CDH12: variants seen among roughly 807,000 people sequenced by gnomAD.
CDH12 encodes the protein cadherin 12.
In CDH12, 41 loss-of-function variants were observed where a neutral mutation model predicts 74.1. The ratio of observed to expected loss-of-function variants is 0.55; its 90% CI spans 0.43 to 0.72. The LOEUF (loss-of-function observed/expected upper bound fraction) is 0.72, where lower values mean the gene tolerates loss of function less well. CDH12 is among the 30% of genes least tolerant of loss of function. CDH12 has a pLI of 0.00. For missense variants in CDH12, 945 were observed against 977.2 expected, an observed-to-expected ratio of 0.97 and a Z score of 0.44; for synonymous variants, 399 against 355.0, an observed-to-expected ratio of 1.12 and a Z score of -1.39.
intron 1 of CDH12, among the ~76,000 whole-genome samples, chr5:22,778,607 A>C (rs1409301872): frequency 1.3e-5 from 2 of 152,316 alleles, no homozygotes; most frequent in East Asian, 3.9e-4. Context: ...CATATTCCTA[A>C]GTGACAGTAT....
intron 2 of CDH12, among the ~76,000 whole-genome samples, chr5:22,486,760 T>G (rs553183506): frequency 6.6e-6 from 1 of 151,120 alleles, no homozygotes; most frequent in Non-Finnish European, 1.5e-5. Context: ...GCCAGTAACT[T>G]GTAATTTTAA....
Position 22,085,244 on chromosome 5 carries a change from C to T in CDH12, c.-186-6382G>A, listed in dbSNP as rs78965033. Among the ~76,000 whole-genome samples the T allele has an allele frequency of 2.8e-3, 429 of 152,074 alleles. 10 individuals are homozygous for T. The East Asian group carries it at 0.059, about 21-fold the overall frequency. ...GTTGTGAAATACTCACTGACAGTAACACTTCCTTGAAGTGTGCCTCCAAAG... is the reference window on the plus strand; with the variant it reads ...GTTGTGAAATACTCACTGACAGTAATACTTCCTTGAAGTGTGCCTCCAAAG... On this transcript the variant is annotated intron_variant, in intron 4 of 14. Transcript: ENST00000382254.
chr5:22,307,078 C>A (rs1242186395), intron 3 of CDH12, among the ~76,000 whole-genome samples: 1 of 152,120 alleles, frequency 6.6e-6, no homozygotes, highest in African/African-American at 2.4e-5. Flanking sequence ...TGATTCAAAA[C>A]AATTTTCTGC....
Position 22,077,425 on chromosome 5 carries a change from A to G in CDH12, c.231+1021T>C, listed in dbSNP as rs114249654. Among the ~76,000 whole-genome samples the G allele has an allele frequency of 5.4e-3, 817 of 152,242 alleles. 7 individuals carry two copies. The highest frequency in any genetic ancestry group is 0.019 in the African/African-American group (777 of 41,550). On this transcript the variant is annotated intron_variant, in intron 5 of 14. Coordinates refer to ENST00000382254, the MANE Select transcript of CDH12 (RefSeq NM_004061.5). ...ATATATCTCTTTAGTTTATGTTTTC[A>G]GAAAGCTCAAGGGATTTGCTGCTCA...
chr5:22,312,043 A>C lies in CDH12; in HGVS notation c.-333+93214T>G, dbSNP rs370254571. 4.6e-5 allele frequency among the ~76,000 whole-genome samples: 7 copies of C among 152,240 alleles called. No homozygotes were observed. In the East Asian group the frequency reaches 1.2e-3, roughly 25 times the overall value. The stretch of plus-strand genomic sequence containing the variant: ...AAAATAATAAATACACATATAATTG[A>C]ATTAGTTATCTTTTGAAATATTTCT... On this transcript the variant is annotated intron_variant, in intron 3 of 14. Transcript: ENST00000382254.
chr5:22,390,048 C>T (rs960995872), intron 3 of CDH12, among the ~76,000 whole-genome samples: 9 of 145,492 alleles, frequency 6.2e-5, no homozygotes, highest in Admixed American at 2.1e-4. Context: ...TGCACGCACA[C>T]GCTAGGTATT....
chr5:22,401,560 T>C (rs544454046), intron 3 of CDH12, among the ~76,000 whole-genome samples: 1 of 152,278 alleles, frequency 6.6e-6, no homozygotes, highest in East Asian at 1.9e-4. Flanking sequence ...AAATTCTAGA[T>C]TCTATTTATT....
intron 2 of CDH12, among the ~76,000 whole-genome samples, chr5:22,435,617 T>C (rs1002550786): frequency 2.0e-4 from 30 of 151,820 alleles, no homozygotes; most frequent in African/African-American, 7.0e-4. Context: ...AAGATGATAA[T>C]AGCCCTTTCC....
intron 1 of CDH12, among the ~76,000 whole-genome samples, chr5:22,752,865 C>T (rs1400667264): frequency 6.6e-6 from 1 of 151,812 alleles, no homozygotes; most frequent in East Asian, 1.9e-4. Flanking sequence ...TGAGCCACCG[C>T]GCCCGGCAGG....
Position 21,958,323 on chromosome 5 carries a change from C to G in CDH12, c.526+16768G>C, listed in dbSNP as rs539343306. On this transcript the variant is annotated intron_variant, in intron 6 of 14. Coordinates refer to ENST00000382254, the MANE Select transcript of CDH12 (RefSeq NM_004061.5). ...TGAAGTTCCCATTTATGAATTTTTG[C>G]TTTTGTTGCAATTGCTTTTGACATC... Among the ~76,000 whole-genome samples, 281 of 152,046 alleles carry G rather than the reference C, an allele frequency of 1.8e-3. 3 individuals are homozygous for G. The highest frequency in any genetic ancestry group is 6.5e-3 in the African/African-American group (270 of 41,462).
rs1221041758 is a variant in CDH12, at chr5:22,244,773, A to AAAGAAAG, written c.-332-32137_-332-32131dup. ...GAAAGAAAGAAAGAAAGAAAGAAAG[A>AAAGAAAG]AAGAAAGAAAGAAAGAAAGAAAGAA... On this transcript the variant is annotated intron_variant, in intron 3 of 14. Coordinates refer to ENST00000382254, the MANE Select transcript of CDH12 (RefSeq NM_004061.5). Among the ~76,000 whole-genome samples, 8 of 123,848 alleles carry AAAGAAAG rather than the reference A, an allele frequency of 6.5e-5. No homozygotes were observed. In the East Asian group the frequency reaches 1.7e-3, roughly 26 times the overall value. The allele number at this position is 123,848 out of a possible 152,430, so 81.2% of individuals were successfully genotyped here.
intron 11 of CDH12, among the ~76,000 whole-genome samples, chr5:21,781,977 A>G (rs1276691369): frequency 6.6e-6 from 1 of 152,174 alleles, no homozygotes; most frequent in Non-Finnish European, 1.5e-5. Context: ...ATAATTTTTC[A>G]TATTTATTAC....
chr5:22,672,157 TTA>T (rs1303777244), intron 1 of CDH12, among the ~76,000 whole-genome samples: 1 of 141,698 alleles, frequency 7.1e-6, no homozygotes, highest in African/African-American at 2.7e-5. Context: ...ATTATATATA[TTA>T]TATATATGTA....
chr5:21,791,179 T>C (rs1746477313), intron 10 of CDH12, among the ~76,000 whole-genome samples: 1 of 152,088 alleles, frequency 6.6e-6, no homozygotes. Flanking sequence ...TTCCCAGTGC[T>C]CTGTCTATAT....
At chr5:22,309,634 T>A (rs1312935936) in intron 3 of CDH12, among the ~76,000 whole-genome samples, 1 of 152,128 alleles carries the variant, frequency 6.6e-6, no homozygotes, top group African/African-American at 2.4e-5. Flanking sequence ...CTTAGCTAAT[T>A]TCCATTACAC....
intron 3 of CDH12, among the ~76,000 whole-genome samples, chr5:22,335,309 T>C (rs1003159189): frequency 6.6e-6 from 1 of 152,096 alleles, no homozygotes; most frequent in Non-Finnish European, 1.5e-5. Context: ...TTGCTGTTCT[T>C]GTGATAGTGA....
rs187214986 is a variant in CDH12 at position 22,294,037 on chromosome 5, T to C, written c.-332-81394A>G. ...TATGTTAACTACATATGTTAATTAGTCATTCCACAATGTATATGCTCTTCA... is the reference window on the plus strand; with the variant it reads ...TATGTTAACTACATATGTTAATTAGCCATTCCACAATGTATATGCTCTTCA... On this transcript the variant is annotated intron_variant, in intron 3 of 14. Transcript: ENST00000382254. Among the ~76,000 whole-genome samples the C allele has an allele frequency of 1.8e-3, 277 of 152,234 alleles. 1 individual carries two copies. Among genetic ancestry groups the C allele is most frequent in the Admixed American group, 4.9e-3 (75 of 15,282 alleles).
intron 2 of CDH12, among the ~76,000 whole-genome samples, chr5:22,500,833 A>C (rs1458205614): frequency 2.0e-5 from 3 of 152,200 alleles, no homozygotes; most frequent in Non-Finnish European, 2.9e-5. Context: ...CCTGCTGCTT[A>C]AATTACACAG....
intron 4 of CDH12, among the ~76,000 whole-genome samples, chr5:22,196,214 G>T (rs939917777): frequency 1.3e-5 from 2 of 149,716 alleles, no homozygotes; most frequent in East Asian, 2.0e-4. Flanking sequence ...GCATGATCTC[G>T]GCTCACTGCA....
Sources: gnomAD v4.1 joint callset for allele counts (sites outside exome capture counted in the v4.1 genomes callset) on GRCh38, gnomAD v4.1.1 for gene constraint, MANE v1.5 for transcripts, NCBI Gene and HGNC (gene_info 2026-07-23, HGNC 2026-07-21) for gene names.